The following SCG3 variants were observed in gnomAD, a reference collection of about 807,000 sequenced individuals.
SCG3 encodes secretogranin-3.
Under a neutral mutation model 56.2 loss-of-function variants are expected in SCG3, and 38 were observed. That is an observed-to-expected ratio of 0.68 (90% CI 0.52 to 0.89). The LOEUF (loss-of-function observed/expected upper bound fraction) is 0.89. Ranked by LOEUF, SCG3 falls within the 40% of genes least tolerant of loss-of-function variation. SCG3 has a pLI of 0.00. For synonymous variants in SCG3, 176 were observed against 184.2 expected (o/e 0.96, Z 0.36); for missense variants, 524 against 540.7 (o/e 0.97, Z 0.31).
chr15:51,691,249 C>T (rs2055265004), intron 6 of SCG3, among the ~76,000 whole-genome samples: 1 of 152,150 alleles, frequency 6.6e-6, no homozygotes, highest in South Asian at 2.1e-4. Context: ...GAGGTGGACC[C>T]AGGCCAGACC....
At chr15:51,706,464 G>A (rs1050088524) in intron 10 of SCG3, among the ~76,000 whole-genome samples, 2 of 152,132 alleles carry the variant, frequency 1.3e-5, no homozygotes, top group East Asian at 1.9e-4. Flanking sequence ...CCTTCAGGAC[G>A]GAAAGCTGGA....
chr15:51,686,681 ATGTTTGTT>A (rs59206609), intron 4 of SCG3, among the ~76,000 whole-genome samples: 1 of 150,464 alleles, frequency 6.6e-6, no homozygotes, highest in Admixed American at 6.6e-5. Context: ...AACTGATTTT[ATGTTTGTT>A]TGTTTGTTTG....
chr15:51,691,954 T>C (rs1430615748), intron 6 of SCG3, among the ~76,000 whole-genome samples: 1 of 148,688 alleles, frequency 6.7e-6, no homozygotes, highest in Non-Finnish European at 1.5e-5. Context: ...TTCCCTGAGG[T>C]AGAGCACCTT....
intron 10 of SCG3, among the ~76,000 whole-genome samples, chr15:51,704,802 T>C (rs2055364564): frequency 1.4e-5 from 2 of 140,502 alleles, no homozygotes; most frequent in Non-Finnish European, 3.1e-5. Context: ...TATACATCTC[T>C]CTTTGAGCTC....
intron 11 of SCG3, among the ~76,000 whole-genome samples, chr15:51,717,424 C>T (rs1480995767): frequency 6.6e-6 from 1 of 150,578 alleles, no homozygotes; most frequent in Non-Finnish European, 1.5e-5. Context: ...TCCCAAGTTA[C>T]TCAGGAGGCT....
chr15:51,687,775 G>A (rs921473568), intron 4 of SCG3, among the ~76,000 whole-genome samples: 16 of 152,024 alleles, frequency 1.1e-4, no homozygotes, highest in Non-Finnish European at 2.4e-4. Context: ...TCTGATTCTG[G>A]GTGTGAGGTA....
Position 51,683,949 on chromosome 15 carries a change from T to C in SCG3, c.397+515T>C, listed in dbSNP as rs115862141. On this transcript the variant is annotated intron_variant, in intron 4 of 11. Coordinates refer to ENST00000220478, the MANE Select transcript of SCG3 (RefSeq NM_013243.4). Reference sequence around the variant, plus strand: ...GACTTCTCTTAGCTATAGACCTATTTATCTGTTTACCTATTCGACATTTTC... The same window carrying C: ...GACTTCTCTTAGCTATAGACCTATTCATCTGTTTACCTATTCGACATTTTC... 3.7e-3 allele frequency among the ~76,000 whole-genome samples: 571 copies of C among 152,278 alleles called. 4 individuals are homozygous for C. The highest frequency in any genetic ancestry group is 0.013 in the African/African-American group (550 of 41,534).
chr15:51,684,100 GT>G (rs1487468596), intron 4 of SCG3, among the ~76,000 whole-genome samples: 3 of 152,128 alleles, frequency 2.0e-5, no homozygotes, highest in Non-Finnish European at 2.9e-5. Context: ...TATCCATCCA[GT>G]TTTTTAAAGA....
At chr15:51,716,687 G>A (rs570150541) in intron 11 of SCG3, among the ~76,000 whole-genome samples, 49 of 152,280 alleles carry the variant, frequency 3.2e-4, no homozygotes, top group Admixed American at 2.8e-3. Context: ...GACCAAATGC[G>A]TGGGGGTTTC....
chr15:51,706,663 C>G (rs1330907662), intron 10 of SCG3, among the ~76,000 whole-genome samples: 2 of 152,008 alleles, frequency 1.3e-5, no homozygotes, highest in Non-Finnish European at 2.9e-5. Flanking sequence ...GAACTGGGTC[C>G]TGTGAGGAAT....
Position 51,701,172 on chromosome 15 carries a change from G to A in SCG3, c.1135G>A (p.Glu379Lys). Reference protein sequence around the residue: ...TKEEAAKMEKEYGSLKDSTKD... With the variant: ...TKEEAAKMEKKYGSLKDSTKD... ...GGAAGAAGCAGCTAAGATGGAAAAG[G>A]AATATGGAAGCTTGAAGGATTCCAC... The change falls in exon 10 of 12, where the codon GAA becomes AAA. Residue 379 changes from glutamate (E) to lysine (K), a missense_variant. Glu to Lys is a moderately conservative substitution (Grantham distance 56). Transcript: ENST00000220478. 3 of 1,613,540 alleles carry A rather than the reference G, an allele frequency of 1.9e-6. No homozygotes were observed. Among genetic ancestry groups the A allele is most frequent in the Non-Finnish European group, 1.7e-6 (2 of 1,179,824 alleles).
chr15:51,690,364 G>A (rs1165360066), intron 6 of SCG3, among the ~76,000 whole-genome samples: 1 of 152,102 alleles, frequency 6.6e-6, no homozygotes, highest in Admixed American at 6.5e-5. Context: ...CTGACCATAA[G>A]GGGATATCAA....
chr15:51,701,275 G>T, intron 10 of SCG3, 31 bp downstream of exon 10: 1 of 1,536,420 alleles, frequency 6.5e-7, no homozygotes, highest in Non-Finnish European at 8.7e-7. Context: ...GGTTAGCAAT[G>T]AAATTGGGAA....
chr15:51,683,413 G>C lies in SCG3; in HGVS notation c.376G>C (p.Gly126Arg). 1.3e-6 allele frequency: 2 copies of C among 1,599,310 alleles called. No homozygotes were observed. The highest frequency in any genetic ancestry group is 2.3e-5 in the South Asian group (2 of 86,848). Residue 126 changes from glycine (G) to arginine (R), a missense_variant, in exon 4 of 12, where the codon GGA becomes CGA. Transcript: ENST00000220478. The stretch of plus-strand genomic sequence containing the variant: ...CGATGATTATGACTCTACTAAGAGT[G>C]GATTGGATCATAAATTTCAAGGTAA... ...LIDDYDSTKS[G>R]LDHKFQDDPD...
intron 8 of SCG3, among the ~76,000 whole-genome samples, chr15:51,697,252 T>C (rs2055309684): frequency 1.4e-5 from 2 of 143,924 alleles, no homozygotes; most frequent in Admixed American, 1.3e-4. Context: ...GTTTTCACAG[T>C]AGACCAAAGA....
intron 10 of SCG3, among the ~76,000 whole-genome samples, chr15:51,701,855 A>G (rs1001564136): frequency 6.6e-6 from 1 of 151,320 alleles, no homozygotes; most frequent in African/African-American, 2.4e-5. Flanking sequence ...GCCCCACTAT[A>G]CTCCAGCCTA....
intron 1 of SCG3, 32 bp from the exon 2 acceptor site, chr15:51,682,485 A>G: frequency 4.1e-6 from 5 of 1,229,598 alleles, no homozygotes; most frequent in Non-Finnish European, 5.7e-6. Flanking sequence ...TCAACGCACA[A>G]TTAAATTTAT....
intron 5 of SCG3, 130 bp from the exon 6 acceptor site, chr15:51,689,089 G>A: frequency 1.0e-6 from 1 of 971,902 alleles, no homozygotes; most frequent in Non-Finnish European, 1.6e-6. Context: ...GTAAGTGAGG[G>A]CTGTCTGAAA....
intron 8 of SCG3, among the ~76,000 whole-genome samples, 154 bp from the exon 9 acceptor site, chr15:51,699,165 T>C (rs1380830424): frequency 6.6e-6 from 1 of 152,206 alleles, no homozygotes; most frequent in Non-Finnish European, 1.5e-5. Flanking sequence ...CTATGATTCT[T>C]AGAAATAAAA....
Sources: allele counts gnomAD v4.1 joint callset (sites outside exome capture counted in the v4.1 genomes callset), GRCh38; gene constraint gnomAD v4.1.1; transcripts MANE v1.5; gene names NCBI Gene and HGNC (gene_info 2026-07-23, HGNC 2026-07-21).